The following ABLIM1 variants were observed in gnomAD, a reference collection of about 807,000 sequenced individuals.
ABLIM1 encodes actin-binding LIM protein 1.
Under a neutral mutation model 107.0 loss-of-function variants are expected in ABLIM1, and 40 were observed. The observed-to-expected ratio is 0.37, with a 90% CI of 0.29 to 0.49. The LOEUF (loss-of-function observed/expected upper bound fraction) is 0.49. ABLIM1 is among the 20% of genes least tolerant of loss of function. The pLI is 0.97. For synonymous variants in ABLIM1, 357 were observed against 357.3 expected (o/e 1.00, Z 0.01); for missense variants, 857 against 1,008.5 (o/e 0.85, Z 2.04).
chr10:114,511,913 C>T (rs2061928404), intron 6 of ABLIM1, among the ~76,000 whole-genome samples: 1 of 152,222 alleles, frequency 6.6e-6, no homozygotes, highest in African/African-American at 2.4e-5. Flanking sequence ...GCAGTTCCCT[C>T]AAACTTGAAC....
chr10:114,640,546 C>T (rs1000822752), intron 1 of ABLIM1, among the ~76,000 whole-genome samples: 48 of 151,834 alleles, frequency 3.2e-4, no homozygotes, highest in African/African-American at 1.2e-3. Flanking sequence ...AAACCAACAA[C>T]AACAACAACA....
chr10:114,461,419 A>T (rs1344082791), intron 12 of ABLIM1, among the ~76,000 whole-genome samples: 2 of 151,790 alleles, frequency 1.3e-5, no homozygotes, highest in Non-Finnish European at 2.9e-5. Flanking sequence ...AAGAAAAAAA[A>T]ACAGCATAAT....
intron 6 of ABLIM1, among the ~76,000 whole-genome samples, chr10:114,529,763 A>T (rs1247629059): frequency 6.6e-6 from 1 of 152,192 alleles, no homozygotes; most frequent in Non-Finnish European, 1.5e-5. Flanking sequence ...GTGGTGGCTC[A>T]CACCTGTATT....
At chr10:114,475,157 T>C (rs949177321) in intron 8 of ABLIM1, among the ~76,000 whole-genome samples, 1 of 152,192 alleles carries the variant, frequency 6.6e-6, no homozygotes, top group Admixed American at 6.5e-5. Context: ...CTTCCCCTCC[T>C]ACCTCGTCTC....
At chr10:114,487,820 T>C (rs1349874562) in intron 8 of ABLIM1, 138 bp downstream of exon 8, 2 of 1,034,334 alleles carry the variant, frequency 1.9e-6, no homozygotes, top group Non-Finnish European at 3.0e-6. Flanking sequence ...CCTAGCCAAA[T>C]GGCCTTTGAA....
At chr10:114,499,035 A>C (rs2060047640) in intron 6 of ABLIM1, among the ~76,000 whole-genome samples, 1 of 152,220 alleles carries the variant, frequency 6.6e-6, no homozygotes, top group Non-Finnish European at 1.5e-5. Flanking sequence ...AGGAAACTAA[A>C]TTGTTTTACC....
chr10:114,565,799 T>C (rs995055022), intron 4 of ABLIM1, among the ~76,000 whole-genome samples: 2 of 126,010 alleles, frequency 1.6e-5, no homozygotes, highest in Admixed American at 1.5e-4. Flanking sequence ...TTTTTTTTTT[T>C]TTTTTTTTTT....
At chr10:114,451,524 C>T (rs2061895984) in intron 14 of ABLIM1, 100 bp downstream of exon 14, 2 of 1,118,638 alleles carry the variant, frequency 1.8e-6, no homozygotes, top group East Asian at 2.3e-5. Flanking sequence ...CCCAGTTTTA[C>T]TCTCAAAAGC....
chr10:114,733,242 G>A (rs1566284761), intron 1 of ABLIM1, among the ~76,000 whole-genome samples: 1 of 152,156 alleles, frequency 6.6e-6, no homozygotes, highest in African/African-American at 2.4e-5. Flanking sequence ...TAGGTCCAGG[G>A]TGGAAGAACA....
At chr10:114,690,321 G>T in intron 1 of ABLIM1, 1 of 1,598,798 alleles carries the variant, frequency 6.3e-7, no homozygotes, top group Non-Finnish European at 8.6e-7. Context: ...GGAACCGTTT[G>T]TGTTGGGTCC....
chr10:114,626,801 G>A (rs1279598707), intron 1 of ABLIM1, among the ~76,000 whole-genome samples: 1 of 152,146 alleles, frequency 6.6e-6, no homozygotes, highest in Non-Finnish European at 1.5e-5. Flanking sequence ...AGATCATTAG[G>A]GTGGGCCTTA....
In ABLIM1 at chr10:114,544,997, C is replaced by T. The variant is rs772568610; in HGVS notation, c.894+8G>A. On this transcript the variant is annotated splice_region_variant and intron_variant, in intron 6 of 22. Transcript: ENST00000533213. ...CGGTAGCTATGAGGGAGCCGGTCTG[C>T]CACTTACCTCCAGGACTTTCCCTGT... 2.3e-5 allele frequency: 37 copies of T among 1,613,858 alleles called. No individual in the cohort carries two copies. Among genetic ancestry groups the T allele is most frequent in the Non-Finnish European group, 3.1e-5 (37 of 1,179,882 alleles).
intron 6 of ABLIM1, among the ~76,000 whole-genome samples, chr10:114,526,245 C>T (rs918354937): frequency 6.6e-6 from 1 of 152,118 alleles, no homozygotes; most frequent in African/African-American, 2.4e-5. Context: ...CCAAACAGGA[C>T]TCAAATGTAA....
At chr10:114,568,139 G>A (rs1231644291) in intron 4 of ABLIM1, among the ~76,000 whole-genome samples, 9 of 141,608 alleles carry the variant, frequency 6.4e-5, no homozygotes, top group African/African-American at 2.2e-4. Flanking sequence ...GCAGTGAGCC[G>A]AGATTGCGCC....
intron 1 of ABLIM1, among the ~76,000 whole-genome samples, chr10:114,749,450 C>CACCACACA (rs1555232340): frequency 7.1e-6 from 1 of 141,488 alleles, no homozygotes; most frequent in Non-Finnish European, 1.6e-5. Context: ...AACACACACA[C>CACCACACA]CACACACACA....
At chr10:114,786,182 G>A in the ABLIM1 span, among the ~76,000 whole-genome samples, 1 of 152,124 alleles carries the variant, frequency 6.6e-6, no homozygotes, top group Non-Finnish European at 1.5e-5. Context: ...ATTGTCTACT[G>A]GAAAATCCAA....
At chr10:114,553,513 G>C (rs2068341869) in intron 4 of ABLIM1, among the ~76,000 whole-genome samples, 1 of 152,200 alleles carries the variant, frequency 6.6e-6, no homozygotes, top group Non-Finnish European at 1.5e-5. Context: ...CCCAACTCTG[G>C]AATCAGACAT....
chr10:114,728,605 A>C (rs1216921446), intron 1 of ABLIM1, among the ~76,000 whole-genome samples: 1 of 151,554 alleles, frequency 6.6e-6, no homozygotes, highest in East Asian at 1.9e-4. Context: ...AAAAAAAAAA[A>C]ATAGAAAAAA....
At chr10:114,523,066 G>A (rs548225500) in intron 6 of ABLIM1, among the ~76,000 whole-genome samples, 2 of 152,206 alleles carry the variant, frequency 1.3e-5, no homozygotes, top group East Asian at 1.9e-4. Context: ...CAGGAGAATC[G>A]CTTGAACCCA....
Sources: gnomAD v4.1 joint callset for allele counts (sites outside exome capture counted in the v4.1 genomes callset) on GRCh38, gnomAD v4.1.1 for gene constraint, MANE v1.5 for transcripts, NCBI Gene and HGNC (gene_info 2026-07-23, HGNC 2026-07-21) for gene names.